Variants in TMEM87A observed in about 807,000 individuals in gnomAD.
The protein encoded by TMEM87A is Golgi-pH regulating cation channel.
TMEM87A carries 50 observed loss-of-function variants against 90.0 expected under a neutral mutation model. The observed-to-expected ratio is 0.56, with a 90% CI of 0.44 to 0.70. The LOEUF is 0.70. TMEM87A is among the 30% of genes least tolerant of loss of function. TMEM87A has a pLI of 0.00. For missense variants in TMEM87A, 577 were observed against 660.5 expected (o/e 0.87, Z 1.39); for synonymous variants, 226 against 226.7 (o/e 1.00, Z 0.03).
intron 6 of TMEM87A, among the ~76,000 whole-genome samples, chr15:42,245,520 CTTTTTTTTTTT>C (rs550453415): frequency 8.4e-6 from 1 of 118,432 alleles, no homozygotes; most frequent in Non-Finnish European, 1.7e-5. Context: ...ACATTTATTA[CTTTTTTTTTTT>C]TTTTTTTTTT....
chr15:42,236,530 T>C lies in TMEM87A; in HGVS notation c.869-111A>G, dbSNP rs536822765. 1.7e-4 allele frequency: 151 copies of C among 867,270 alleles called. 3 individuals carry two copies. Among genetic ancestry groups the C allele is most frequent in the South Asian group, 1.6e-3 (112 of 69,402 alleles). The allele number at this position is 867,270 out of a possible 1,614,324, so 53.7% of individuals were successfully genotyped here. A position where few individuals can be genotyped will look rare whatever the true frequency, so the allele number is the denominator to read the frequency against. ...TCTTCAGAATAAGCATTGATATTAG[T>C]CCTGCTAAAATAGAATACCTCTTCC... On this transcript the variant is annotated intron_variant, in intron 9 of 19. Transcript: ENST00000389834.
At chr15:42,272,751 T>C (rs2051566343) in intron 1 of TMEM87A, 1 of 345,200 alleles carries the variant, frequency 2.9e-6, no homozygotes. Flanking sequence ...ATCTCTATGC[T>C]TTCTAGTCAC....
intron 7 of TMEM87A, among the ~76,000 whole-genome samples, chr15:42,241,649 G>A (rs564081129): frequency 3.6e-4 from 55 of 152,170 alleles, no homozygotes; most frequent in African/African-American, 1.3e-3. Context: ...CTGTATTAGT[G>A]ATGATGTATC....
chr15:42,214,410 G>A (rs961759715), intron 19 of TMEM87A, among the ~76,000 whole-genome samples: 3 of 152,200 alleles, frequency 2.0e-5, no homozygotes, highest in Admixed American at 6.5e-5. Context: ...TATCCCTGAT[G>A]AGCAGACGCA....
At chr15:42,255,928 C>T (rs552958700) in intron 6 of TMEM87A, among the ~76,000 whole-genome samples, 1 of 132,558 alleles carries the variant, frequency 7.5e-6, no homozygotes, top group African/African-American at 2.8e-5. Context: ...CGCCACCACA[C>T]CCAGCTAATT....
chr15:42,257,875 T>C (rs2051212636), intron 6 of TMEM87A: 1 of 977,966 alleles, frequency 1.0e-6, no homozygotes, highest in Non-Finnish European at 1.2e-6. Flanking sequence ...GTATATAATA[T>C]GATCTTATTT....
chr15:42,257,847 AG>A, intron 6 of TMEM87A: 1 of 939,322 alleles, frequency 1.1e-6, no homozygotes, highest in Non-Finnish European at 1.3e-6. Context: ...GGTAATAAAA[AG>A]AAAAAATTAT....
At chr15:42,221,259 GAGAGAC>G (rs796468011) in intron 15 of TMEM87A, among the ~76,000 whole-genome samples, 523 of 29,714 alleles carry the variant, frequency 0.018, 1 homozygote, top group African/African-American at 0.021. Flanking sequence ...GAAAAGAAAG[GAGAGAC>G]AGAGACAGAG....
chr15:42,243,246 C>G (rs1019524312), intron 7 of TMEM87A, among the ~76,000 whole-genome samples: 2 of 149,490 alleles, frequency 1.3e-5, no homozygotes, highest in Non-Finnish European at 3.0e-5. Flanking sequence ...CTAGCCTGGG[C>G]GACAGAGTGA....
chr15:42,255,677 C>T lies in TMEM87A; in HGVS notation c.504+5281G>A, dbSNP rs137989911. On this transcript the variant is annotated intron_variant, in intron 6 of 19. Transcript: ENST00000389834. ...CACATTATTGCTTAAATCCAAAAAA[C>T]TGAGTTAATCAAAATATTAAAGTGT... 5.0e-3 allele frequency among the ~76,000 whole-genome samples: 760 copies of T among 152,190 alleles called. 9 individuals are homozygous for T. Among genetic ancestry groups the T allele is most frequent in the African/African-American group, 0.017 (717 of 41,506 alleles).
rs776359984 is a variant in TMEM87A at position 42,267,939 on chromosome 15, T to C, written c.291+8A>G. ...TCCAAAAAAACTCTGTAATTTTATG[T>C]TCCTTACCTTGAAGTTATAGATTTC... On this transcript the variant is annotated splice_region_variant and intron_variant, in intron 3 of 19. Transcript: ENST00000389834. 6.2e-7 allele frequency: 1 copy of C among 1,605,980 alleles called. No individual in the cohort carries two copies. Among genetic ancestry groups the C allele is most frequent in the Non-Finnish European group, 8.5e-7 (1 of 1,175,446 alleles).
intron 2 of TMEM87A, among the ~76,000 whole-genome samples, chr15:42,269,159 A>G (rs1296680069): frequency 6.6e-6 from 1 of 152,186 alleles, no homozygotes; most frequent in Non-Finnish European, 1.5e-5. Context: ...GGTAAATCTG[A>G]CTATATGACT....
At chr15:42,218,003 A>T (rs1342048019) in intron 18 of TMEM87A, 170 bp from the exon 19 acceptor site, 2 of 677,668 alleles carry the variant, frequency 3.0e-6, no homozygotes, top group African/African-American at 3.7e-5. Context: ...CAACAGTTAC[A>T]GAAATTGTAT....
intron 11 of TMEM87A, 94 bp from the exon 12 acceptor site, chr15:42,231,354 G>T: frequency 9.9e-7 from 1 of 1,011,160 alleles, no homozygotes; most frequent in Non-Finnish European, 1.4e-6. Flanking sequence ...ATAATCACTG[G>T]AAAGTTTTTG....
At chr15:42,214,662 A>C (rs191708404) in intron 19 of TMEM87A, among the ~76,000 whole-genome samples, 224 of 152,348 alleles carry the variant, frequency 1.5e-3, no homozygotes, top group African/African-American at 5.2e-3. Context: ...TTCACTATAC[A>C]CAAAAATCAA....
chr15:42,250,764 C>T (rs2051070221), intron 6 of TMEM87A, among the ~76,000 whole-genome samples: 1 of 152,034 alleles, frequency 6.6e-6, no homozygotes, highest in African/African-American at 2.4e-5. Context: ...CTCTGTATTT[C>T]CTGAATTTGA....
intron 4 of TMEM87A, 49 bp downstream of exon 4, chr15:42,264,041 T>A: frequency 6.9e-7 from 1 of 1,458,256 alleles, no homozygotes; most frequent in Non-Finnish European, 9.5e-7. Flanking sequence ...AATATATACA[T>A]TCCAATTTTT....
At chr15:42,258,854 A>C (rs2051232115) in intron 6 of TMEM87A, 13 of 1,505,062 alleles carry the variant, frequency 8.6e-6, no homozygotes, top group Non-Finnish European at 1.1e-5. Flanking sequence ...GCAGAATAAG[A>C]AACTCTGAAA....
intron 10 of TMEM87A, among the ~76,000 whole-genome samples, chr15:42,235,883 C>T (rs2050760344): frequency 6.6e-6 from 1 of 152,188 alleles, no homozygotes; most frequent in Admixed American, 6.5e-5. Flanking sequence ...GCCATATCCC[C>T]AGGGCCTAGA....
Sources: allele counts gnomAD v4.1 joint callset (sites outside exome capture counted in the v4.1 genomes callset), GRCh38; gene constraint gnomAD v4.1.1; transcripts MANE v1.5; gene names NCBI Gene and HGNC (gene_info 2026-07-23, HGNC 2026-07-21).